USP12: variants seen among roughly 807,000 people sequenced by gnomAD.
USP12 encodes ubiquitin carboxyl-terminal hydrolase 12.
Under a neutral mutation model 45.5 loss-of-function variants are expected in USP12, and 19 were observed. The observed-to-expected ratio is 0.42, with a 90% CI of 0.29 to 0.61. The LOEUF is 0.61. Ranked by LOEUF, USP12 falls within the 20% of genes least tolerant of loss-of-function variation. The pLI is 0.22. For synonymous variants in USP12, 149 were observed against 148.8 expected (o/e 1.00, Z -0.01); for missense variants, 242 against 447.7 (o/e 0.54, Z 4.15).
intron 1 of USP12, among the ~76,000 whole-genome samples, chr13:27,157,160 A>C (rs1877878808): frequency 6.6e-6 from 1 of 152,214 alleles, no homozygotes; most frequent in South Asian, 2.1e-4. Flanking sequence ...TTACAAAAAT[A>C]TATTCTGCGT....
intron 1 of USP12, among the ~76,000 whole-genome samples, chr13:27,158,537 A>G (rs909749471): frequency 2.0e-5 from 3 of 152,164 alleles, no homozygotes; most frequent in Non-Finnish European, 4.4e-5. Context: ...CCCACTACAC[A>G]CTTAGGCTAT....
At chr13:27,145,674 T>A (rs1877276186) in intron 1 of USP12, among the ~76,000 whole-genome samples, 1 of 152,282 alleles carries the variant, frequency 6.6e-6, no homozygotes, top group African/African-American at 2.4e-5. Flanking sequence ...TATAAAGTTG[T>A]TTATCTAGTT....
At chr13:27,107,241 C>G (rs1875185249) in intron 2 of USP12, among the ~76,000 whole-genome samples, 1 of 152,154 alleles carries the variant, frequency 6.6e-6, no homozygotes, top group South Asian at 2.1e-4. Context: ...ATGAGAATCG[C>G]TTGAACCTGG....
At chr13:27,155,379 C>A (rs1340259126) in intron 1 of USP12, among the ~76,000 whole-genome samples, 1 of 152,006 alleles carries the variant, frequency 6.6e-6, no homozygotes, top group African/African-American at 2.4e-5. Flanking sequence ...CTGCACCCAG[C>A]GACCTCCATA....
At chr13:27,137,129 A>T (rs1190824938) in intron 1 of USP12, among the ~76,000 whole-genome samples, 5 of 152,248 alleles carry the variant, frequency 3.3e-5, no homozygotes, top group Non-Finnish European at 7.3e-5. Context: ...ACATTAGGTG[A>T]TGTGTGCCAG....
intron 1 of USP12, among the ~76,000 whole-genome samples, chr13:27,146,411 C>T (rs1458389751): frequency 6.6e-6 from 1 of 152,040 alleles, no homozygotes; most frequent in African/African-American, 2.4e-5. Flanking sequence ...CAAAAAAAAG[C>T]ACCTATGTAA....
At chr13:27,159,954 G>T (rs1464861689) in intron 1 of USP12, among the ~76,000 whole-genome samples, 3 of 152,232 alleles carry the variant, frequency 2.0e-5, no homozygotes, top group African/African-American at 7.2e-5. Context: ...ATGAAAATGT[G>T]TAACAGAAGA....
At chr13:27,164,799 T>C (rs1219099587) in intron 1 of USP12, among the ~76,000 whole-genome samples, 1 of 152,138 alleles carries the variant, frequency 6.6e-6, no homozygotes, top group African/African-American at 2.4e-5. Context: ...ATGGTGTAGA[T>C]ATGTAAATAT....
chr13:27,169,728 T>G (rs1030748684), intron 1 of USP12, among the ~76,000 whole-genome samples: 3 of 152,202 alleles, frequency 2.0e-5, no homozygotes, highest in Non-Finnish European at 4.4e-5. Context: ...ACTGTCCTAA[T>G]CTGATTACAG....
At chr13:27,121,725 G>C (rs1565995981) in intron 1 of USP12, among the ~76,000 whole-genome samples, 1 of 152,002 alleles carries the variant, frequency 6.6e-6, no homozygotes, top group Non-Finnish European at 1.5e-5. Flanking sequence ...GGTGGGCATG[G>C]TGGCAGGCAC....
intron 1 of USP12, among the ~76,000 whole-genome samples, chr13:27,150,868 A>C (rs1348585168): frequency 2.0e-5 from 3 of 152,242 alleles, no homozygotes; most frequent in African/African-American, 7.2e-5. Context: ...AAAAGAATGA[A>C]GTTACCTTTA....
At position 27,075,292 on chromosome 13, in the gene USP12, C is replaced by G. The variant is rs746061873; in HGVS notation, c.831G>C (p.Arg277=). The change falls in exon 7 of 9, where the codon CGG becomes CGC. Residue 277 remains arginine (R), a synonymous_variant. Coordinates refer to ENST00000282344, the MANE Select transcript of USP12 (RefSeq NM_182488.4). ...QLHRYTKLSY[R]VVFPLELRLF... The stretch of plus-strand genomic sequence containing the variant: ...GACGAAGTTCTAAAGGAAAAACTAC[C>G]CGGTAAGAGAGTTTTGTATATCGAT... The G allele has an allele frequency of 1.1e-4, 173 of 1,613,908 alleles. No homozygotes were observed. Among genetic ancestry groups the G allele is most frequent in the Non-Finnish European group, 1.4e-4 (167 of 1,179,998 alleles).
intron 2 of USP12, among the ~76,000 whole-genome samples, chr13:27,116,002 T>C (rs1199643875): frequency 6.6e-6 from 1 of 152,100 alleles, no homozygotes; most frequent in Non-Finnish European, 1.5e-5. Context: ...AAACTATCTA[T>C]CTCCAAGATT....
chr13:27,139,308 A>T (rs1475825174), intron 1 of USP12, among the ~76,000 whole-genome samples: 14 of 152,176 alleles, frequency 9.2e-5, no homozygotes, highest in Admixed American at 9.2e-4. Flanking sequence ...ACTAGCATCA[A>T]ATTGTTTTTT....
chr13:27,142,109 G>T (rs996046321), intron 1 of USP12, among the ~76,000 whole-genome samples: 5 of 152,122 alleles, frequency 3.3e-5, no homozygotes, highest in Non-Finnish European at 5.9e-5. Context: ...GTGACAGAGC[G>T]AGACTCTGTC....
At chr13:27,099,887 T>A (rs1265901007) in intron 3 of USP12, among the ~76,000 whole-genome samples, 1 of 152,036 alleles carries the variant, frequency 6.6e-6, no homozygotes, top group African/African-American at 2.4e-5. Flanking sequence ...AAGTCATGAG[T>A]TCTAAGAGCT....
intron 2 of USP12, among the ~76,000 whole-genome samples, chr13:27,113,204 G>A (rs1309818399): frequency 6.6e-6 from 1 of 152,148 alleles, no homozygotes. Context: ...ACTGCAGTGA[G>A]CCATGATCAC....
chr13:27,105,289 G>C (rs1376437470), intron 3 of USP12, among the ~76,000 whole-genome samples: 1 of 152,032 alleles, frequency 6.6e-6, no homozygotes. Context: ...GCCTTTTTTA[G>C]GTTTTGATTT....
At chr13:27,081,736 T>C (rs1873768981) in intron 6 of USP12, among the ~76,000 whole-genome samples, 1 of 152,226 alleles carries the variant, frequency 6.6e-6, no homozygotes, top group Admixed American at 6.5e-5. Flanking sequence ...AAAGTCAAAA[T>C]AACTCATTGA....
Sources: gnomAD v4.1 joint callset for allele counts (sites outside exome capture counted in the v4.1 genomes callset) on GRCh38, gnomAD v4.1.1 for gene constraint, MANE v1.5 for transcripts, NCBI Gene and HGNC (gene_info 2026-07-23, HGNC 2026-07-21) for gene names.